The following PLD5 variants were observed in gnomAD, a reference collection of about 807,000 sequenced individuals.
PLD5 encodes the protein phospholipase D family member 5.
PLD5 carries 36 observed loss-of-function variants against 61.1 expected under a neutral mutation model. The ratio of observed to expected loss-of-function variants is 0.59; its 90% confidence interval spans 0.45 to 0.78. PLD5 has a LOEUF of 0.78. Among genes scored for constraint, PLD5 ranks in the 30% least tolerant of loss-of-function variants. The pLI is 0.00. For missense variants in PLD5, 515 were observed against 644.4 expected (o/e 0.80, Z 2.17); for synonymous variants, 243 against 242.8 (o/e 1.00, Z -0.01).
At chr1:242,098,436 C>T (rs909120827) in intron 9 of PLD5, among the ~76,000 whole-genome samples, 12 of 152,128 alleles carry the variant, frequency 7.9e-5, no homozygotes, top group African/African-American at 2.4e-4. Context: ...TTCTCTGCAT[C>T]GGTTATTGTA....
intron 2 of PLD5, among the ~76,000 whole-genome samples, chr1:242,339,504 T>C (rs1574760858): frequency 6.6e-6 from 1 of 152,286 alleles, no homozygotes; most frequent in East Asian, 1.9e-4. Context: ...AAAGGGAAAG[T>C]GACATGTAGT....
intron 1 of PLD5, among the ~76,000 whole-genome samples, chr1:242,397,825 C>T (rs1241731810): frequency 2.7e-5 from 4 of 149,972 alleles, no homozygotes; most frequent in Non-Finnish European, 5.9e-5. Context: ...CTCAGAGTTC[C>T]TAGAACACAG....
chr1:242,336,993 C>T (rs1038371135), intron 2 of PLD5, among the ~76,000 whole-genome samples: 6 of 152,116 alleles, frequency 3.9e-5, no homozygotes, highest in South Asian at 2.1e-4. Context: ...CATCATTCTA[C>T]GCTCAAATCA....
chr1:242,218,617 G>C (rs1670368369), intron 5 of PLD5, among the ~76,000 whole-genome samples: 1 of 152,170 alleles, frequency 6.6e-6, no homozygotes, highest in South Asian at 2.1e-4. Context: ...TGCATTGTTA[G>C]ATTTTGTTAA....
At chr1:242,354,538 A>G (rs538514654) in intron 1 of PLD5, among the ~76,000 whole-genome samples, 3 of 152,280 alleles carry the variant, frequency 2.0e-5, no homozygotes, top group South Asian at 2.1e-4. Context: ...CTAAGCCCCA[A>G]TCTGGGGTCT....
chr1:242,160,595 T>C (rs984006403), intron 5 of PLD5, among the ~76,000 whole-genome samples: 1 of 152,098 alleles, frequency 6.6e-6, no homozygotes, highest in Non-Finnish European at 1.5e-5. Flanking sequence ...CACTGGAAAA[T>C]GTGTATTTTG....
intron 6 of PLD5, among the ~76,000 whole-genome samples, chr1:242,115,224 G>C (rs533002206): frequency 6.6e-6 from 1 of 152,098 alleles, no homozygotes; most frequent in East Asian, 1.9e-4. Flanking sequence ...CAATAAATGT[G>C]ATGCCCTTCA....
intron 1 of PLD5, among the ~76,000 whole-genome samples, chr1:242,512,415 CAAAAAA>C (rs33990244): frequency 1.7e-4 from 21 of 120,368 alleles, no homozygotes; most frequent in African/African-American, 6.7e-4. Context: ...GACTCCATCT[CAAAAAA>C]AAAAAAAAAA....
intron 7 of PLD5, 122 bp from the exon 8 acceptor site, chr1:242,107,961 C>A: frequency 2.1e-6 from 2 of 937,788 alleles, no homozygotes; most frequent in South Asian, 2.3e-5. Flanking sequence ...TATATATAAG[C>A]AACCTCATCG....
At chr1:242,222,987 C>T (rs1378956198) in intron 4 of PLD5, among the ~76,000 whole-genome samples, 1 of 152,172 alleles carries the variant, frequency 6.6e-6, no homozygotes, top group Non-Finnish European at 1.5e-5. Context: ...TACTAAAATA[C>T]TGTCTTAGTC....
intron 2 of PLD5, among the ~76,000 whole-genome samples, chr1:242,317,191 CT>C (rs1165158174): frequency 6.6e-6 from 1 of 151,854 alleles, no homozygotes; most frequent in African/African-American, 2.4e-5. Context: ...TTTTTTGTAT[CT>C]TTAGTAGAGA....
intron 5 of PLD5, among the ~76,000 whole-genome samples, chr1:242,219,483 T>C (rs1670427599): frequency 6.6e-6 from 1 of 152,208 alleles, no homozygotes; most frequent in South Asian, 2.1e-4. Flanking sequence ...CCTCTGTGGA[T>C]TGCCTCTGAC....
chr1:242,233,154 AAATGAATGAATGAATGAATG>A (rs55916345), intron 4 of PLD5, among the ~76,000 whole-genome samples: 2 of 149,848 alleles, frequency 1.3e-5, no homozygotes, highest in Non-Finnish European at 3.0e-5. Flanking sequence ...ATTCTGACTC[AAATGAATGAATGAATGAATG>A]AATGAATGAA....
chr1:242,124,537 A>G lies in PLD5; in HGVS notation c.864T>C (p.Tyr288=), dbSNP rs148872073. 51 of 1,614,020 alleles carry G rather than the reference A, an allele frequency of 3.2e-5. No homozygotes were observed. Among genetic ancestry groups the G allele is most frequent in the Non-Finnish European group, 3.7e-5 (44 of 1,179,986 alleles). The change falls in exon 6 of 10, where the codon TAT becomes TAC. Residue 288 remains tyrosine, a synonymous_variant. Coordinates refer to ENST00000536534, the MANE Select transcript of PLD5 (RefSeq NM_001372062.1). ...ATTTCTTTTCATTGTCATAGACTCC[A>G]TAGAGTCTTTTGGACCAGGTTTGAG... ...RVPQTWSKRL[Y]GVYDNEKKLQ...
At chr1:242,244,497 T>C (rs1244878021) in intron 4 of PLD5, among the ~76,000 whole-genome samples, 20 of 152,220 alleles carry the variant, frequency 1.3e-4, no homozygotes, top group Admixed American at 1.2e-3. Context: ...GAAAAACAGA[T>C]TCACATTCAC....
intron 1 of PLD5, among the ~76,000 whole-genome samples, chr1:242,418,593 C>T (rs1391845467): frequency 1.3e-5 from 2 of 151,768 alleles, no homozygotes; most frequent in Non-Finnish European, 2.9e-5. Flanking sequence ...TTGGAAACTC[C>T]GCAAAAAAAA....
intron 5 of PLD5, among the ~76,000 whole-genome samples, chr1:242,202,477 C>T (rs1669042075): frequency 6.6e-6 from 1 of 152,194 alleles, no homozygotes; most frequent in African/African-American, 2.4e-5. Context: ...ACAGCCTTGT[C>T]ATGCCAGACC....
chr1:242,239,988 G>C (rs539922270), intron 4 of PLD5, among the ~76,000 whole-genome samples: 50 of 152,282 alleles, frequency 3.3e-4, no homozygotes, highest in African/African-American at 1.1e-3. Context: ...CTACAGAAAG[G>C]GATGCAGAAA....
intron 1 of PLD5, among the ~76,000 whole-genome samples, chr1:242,410,545 T>G (rs1224483589): frequency 6.6e-6 from 1 of 152,186 alleles, no homozygotes; most frequent in Non-Finnish European, 1.5e-5. Context: ...TTAAAAATTG[T>G]TATTTCAAAA....
Sources: gnomAD v4.1 joint callset for allele counts (sites outside exome capture counted in the v4.1 genomes callset) on GRCh38, gnomAD v4.1.1 for gene constraint, MANE v1.5 for transcripts, NCBI Gene and HGNC (gene_info 2026-07-23, HGNC 2026-07-21) for gene names.